LACTB2: variants seen among roughly 807,000 people sequenced by gnomAD.
LACTB2 encodes the protein endoribonuclease LACTB2.
Under a neutral mutation model 34.8 loss-of-function variants are expected in LACTB2, and 32 were observed. The ratio of observed to expected loss-of-function variants is 0.92; its 90% CI spans 0.69 to 1.24. The LOEUF (loss-of-function observed/expected upper bound fraction) is 1.24, where lower values mean the gene tolerates loss of function less well. Among genes scored for constraint, LACTB2 ranks in the 50% most tolerant of loss-of-function variants. The probability of loss-of-function intolerance (pLI) is 0.00; values close to 1 mark genes in which losing one functional copy is unlikely to be tolerated. For missense variants in LACTB2, 320 were observed against 345.0 expected (o/e 0.93, Z 0.57); for synonymous variants, 120 against 117.5 (o/e 1.02, Z -0.14).
chr8:70,668,507 A>G (rs975538894), intron 1 of LACTB2, among the ~76,000 whole-genome samples: 15 of 152,366 alleles, frequency 9.8e-5, no homozygotes, highest in African/African-American at 3.4e-4. Context: ...CACAGGCTGC[A>G]GAGAACCAAT....
At chr8:70,643,244 GAC>G (rs1818222852) in intron 4 of LACTB2, among the ~76,000 whole-genome samples, 2 of 92,244 alleles carry the variant, frequency 2.2e-5, no homozygotes, top group Non-Finnish European at 4.0e-5. Context: ...TTTTTTTTGA[GAC>G]AGAGTTTCGC....
chr8:70,651,027 C>G (rs1818336624), intron 3 of LACTB2, among the ~76,000 whole-genome samples: 1 of 151,936 alleles, frequency 6.6e-6, no homozygotes, highest in Non-Finnish European at 1.5e-5. Flanking sequence ...TAAAATTCAA[C>G]TCTTAAAGTA....
At chr8:70,655,127 A>T (rs1273791182) in intron 3 of LACTB2, among the ~76,000 whole-genome samples, 1 of 152,136 alleles carries the variant, frequency 6.6e-6, no homozygotes, top group East Asian at 1.9e-4. Context: ...GTGAGAACAA[A>T]CAATGTTTGG....
At chr8:70,651,164 GA>G (rs1303366430) in intron 3 of LACTB2, among the ~76,000 whole-genome samples, 1 of 151,974 alleles carries the variant, frequency 6.6e-6, no homozygotes, top group African/African-American at 2.4e-5. Context: ...TAATATAATA[GA>G]TATAAGGTAT....
At chr8:70,663,648 G>C (rs1818506011) in intron 1 of LACTB2, among the ~76,000 whole-genome samples, 1 of 152,056 alleles carries the variant, frequency 6.6e-6, no homozygotes, top group Non-Finnish European at 1.5e-5. Flanking sequence ...GGAAACAGTT[G>C]GCGACTCTGA....
rs563513834 is a variant in LACTB2, at chr8:70,664,628, C to A, written c.123-2731G>T. On this transcript the variant is annotated intron_variant, in intron 1 of 6. Coordinates refer to ENST00000276590, the MANE Select transcript of LACTB2 (RefSeq NM_016027.3). ...TGGAATTAATACAATCTATTCAGAA[C>A]AAAGGAGGGGTGTCTAGATACTATA... Among the ~76,000 whole-genome samples the A allele has an allele frequency of 2.6e-5, 4 of 151,624 alleles. No individual in the cohort carries two copies. The East Asian group carries it at 5.8e-4, about 22-fold the overall frequency.
chr8:70,647,813 T>TA (rs1818282114), intron 3 of LACTB2, among the ~76,000 whole-genome samples: 1 of 152,190 alleles, frequency 6.6e-6, no homozygotes, highest in Non-Finnish European at 1.5e-5. Context: ...AAAGTCTTTT[T>TA]AGCAAACATT....
intron 2 of LACTB2, chr8:70,660,749 C>A: frequency 2.2e-6 from 1 of 456,384 alleles, no homozygotes; most frequent in Non-Finnish European, 4.4e-6. Flanking sequence ...TCTTCTTGTA[C>A]CTTTATTTTC....
At chr8:70,646,921 C>G (rs573543112) in intron 3 of LACTB2, among the ~76,000 whole-genome samples, 2 of 152,256 alleles carry the variant, frequency 1.3e-5, no homozygotes, top group South Asian at 4.1e-4. Context: ...TCCAGAAGGG[C>G]AGGACTCTCA....
At position 70,657,805 on chromosome 8, in the gene LACTB2, CAT is replaced by C; in HGVS notation, c.362_363del (p.Tyr121CysfsTer10). On this transcript the variant is annotated frameshift_variant, in exon 3 of 7. Coordinates refer to ENST00000276590, the MANE Select transcript of LACTB2 (RefSeq NM_016027.3). LOFTEE classifies it high-confidence loss of function. Reference sequence around the variant, plus strand: ...ATCACATCTCCATCTTTCAGATAAACATATTGTTGCTCTCCATTTCCTATAAT... The same window carrying C: ...ATCACATCTCCATCTTTCAGATAAACATTGTTGCTCTCCATTTCCTATAAT... ...EEIIGNGEQQ[Y>X]VYLKDGDVIK... is the part of the protein sequence containing the mutation. The C allele has an allele frequency of 6.2e-7, 1 of 1,612,944 alleles. No individual in the cohort carries two copies. Among genetic ancestry groups the C allele is most frequent in the South Asian group, 1.1e-5 (1 of 91,028 alleles).
chr8:70,649,853 T>C (rs1818316274), intron 3 of LACTB2, among the ~76,000 whole-genome samples: 1 of 152,248 alleles, frequency 6.6e-6, no homozygotes, highest in South Asian at 2.1e-4. Flanking sequence ...CCATTAAAGG[T>C]AATTATGTGT....
intron 5 of LACTB2, among the ~76,000 whole-genome samples, chr8:70,639,496 C>G (rs1170572106): frequency 6.6e-6 from 1 of 152,044 alleles, no homozygotes; most frequent in Non-Finnish European, 1.5e-5. Context: ...ACTGAATATT[C>G]AGTGTTTAGC....
At chr8:70,665,243 A>G (rs1563409282) in intron 1 of LACTB2, among the ~76,000 whole-genome samples, 1 of 152,240 alleles carries the variant, frequency 6.6e-6, no homozygotes, top group Non-Finnish European at 1.5e-5. Context: ...ATGCTAATGA[A>G]GGGCTCAAGG....
At chr8:70,643,349 C>T (rs1049062521) in intron 4 of LACTB2, among the ~76,000 whole-genome samples, 4 of 150,224 alleles carry the variant, frequency 2.7e-5, no homozygotes, top group Admixed American at 1.3e-4. Context: ...CAGCCTCCCG[C>T]GTAGCTGGGA....
chr8:70,653,117 TCTTA>T (rs1220606140), intron 3 of LACTB2, among the ~76,000 whole-genome samples: 1 of 152,214 alleles, frequency 6.6e-6, no homozygotes, highest in African/African-American at 2.4e-5. Context: ...TCTTGCTCTT[TCTTA>T]CTATTTTCTT....
intron 6 of LACTB2, 134 bp downstream of exon 6, chr8:70,638,414 C>A: frequency 1.0e-6 from 1 of 964,108 alleles, no homozygotes; most frequent in Non-Finnish European, 1.4e-6. Context: ...ACCTTCCTAG[C>A]GCCTGTCTCT....
At chr8:70,647,949 C>T (rs540906021) in intron 3 of LACTB2, among the ~76,000 whole-genome samples, 1 of 48,204 alleles carries the variant, frequency 2.1e-5, no homozygotes, top group African/African-American at 6.8e-5. Context: ...TGACAATATA[C>T]TAAAAAAAAG....
At chr8:70,644,415 T>G (rs557543430) in intron 3 of LACTB2, among the ~76,000 whole-genome samples, 172 bp from the exon 4 acceptor site, 5 of 152,340 alleles carry the variant, frequency 3.3e-5, no homozygotes, top group African/African-American at 1.2e-4. Flanking sequence ...GAAAATTCTC[T>G]CCTTTAACTA....
chr8:70,644,201 T>TCTC lies in LACTB2; in HGVS notation c.455_456insGAG (p.Leu152_Leu153insArg). 1.2e-6 allele frequency: 2 copies of TCTC among 1,611,848 alleles called. No individual in the cohort carries two copies. Among genetic ancestry groups the TCTC allele is most frequent in the Non-Finnish European group, 1.7e-6 (2 of 1,178,974 alleles). On this transcript the variant is annotated inframe_insertion, in exon 4 of 7. Coordinates refer to ENST00000276590, the MANE Select transcript of LACTB2 (RefSeq NM_016027.3). ...AGATAGCATTTTCCTCTTCTAAGAGTAGAGCCATGTGATCATCAGTGTGGC... is the reference window on the plus strand; with the variant it reads ...AGATAGCATTTTCCTCTTCTAAGAGTCTCAGAGCCATGTGATCATCAGTGTGGC...
Sources: gnomAD v4.1 joint callset for allele counts (sites outside exome capture counted in the v4.1 genomes callset) on GRCh38, gnomAD v4.1.1 for gene constraint, MANE v1.5 for transcripts, NCBI Gene and HGNC (gene_info 2026-07-23, HGNC 2026-07-21) for gene names.